Variants in XPA observed in about 807,000 individuals in gnomAD.
XPA encodes XPA, DNA damage recognition and repair factor, also known as DNA repair protein complementing XP-A cells.
A neutral mutation model predicts 35.7 loss-of-function variants in XPA; 27 were observed. That is an observed-to-expected ratio of 0.76 (90% CI 0.56 to 1.04). The LOEUF (loss-of-function observed/expected upper bound fraction) is 1.04. XPA is among the 50% of genes least tolerant of loss of function. The pLI is 0.00. For synonymous variants in XPA, 133 were observed against 118.4 expected, an observed-to-expected ratio of 1.12 and a Z score of -0.80; for missense variants, 354 against 342.7, an observed-to-expected ratio of 1.03 and a Z score of -0.26.
rs776982282 is a variant in XPA, at chr9:97,689,669, CTTT to C, written c.284-33_284-31del. 3.0e-6 allele frequency: 4 copies of C among 1,340,262 alleles called. No homozygotes were observed. The South Asian group carries it at 4.8e-5, about 16-fold the overall frequency. The allele number at this position is 1,340,262 out of a possible 1,614,324, so 83.0% of individuals were successfully genotyped here. A position where few individuals can be genotyped will look rare whatever the true frequency, so the allele number is the denominator to read the frequency against. Reference sequence around the variant, plus strand: ...GAAAAGGAAAATGAACTCTAGTTTCCTTTTTTATGACTAGAACAATATATTTTC... The same window carrying C: ...GAAAAGGAAAATGAACTCTAGTTTCCTTTATGACTAGAACAATATATTTTC... On this transcript the variant is annotated intron_variant, in intron 2 of 5. Coordinates refer to ENST00000375128, the MANE Select transcript of XPA (RefSeq NM_000380.4).
chr9:97,692,432 T>C (rs971410515), intron 2 of XPA, among the ~76,000 whole-genome samples: 7 of 152,118 alleles, frequency 4.6e-5, no homozygotes, highest in African/African-American at 1.7e-4. Flanking sequence ...AACAAAAAAA[T>C]CATGCTTTTT....
chr9:97,680,242 C>T lies in XPA; in HGVS notation c.674-4655G>A, dbSNP rs554828571. Among the ~76,000 whole-genome samples, 3 of 152,220 alleles carry T rather than the reference C, an allele frequency of 2.0e-5. No individual in the cohort carries two copies. In the East Asian group the frequency reaches 5.8e-4, roughly 29 times the overall value. On this transcript the variant is annotated intron_variant, in intron 5 of 5. Coordinates refer to ENST00000375128, the MANE Select transcript of XPA (RefSeq NM_000380.4). ...TTGTTTTTTGAGACAGGGTTTCACT[C>T]TTGTTGCCCAGGCTGGAGTGCAATG...
At chr9:97,697,020 G>C in intron 1 of XPA, 101 bp downstream of exon 1, 1 of 1,409,952 alleles carries the variant, frequency 7.1e-7, no homozygotes, top group Non-Finnish European at 9.3e-7. Flanking sequence ...CGCCAGCGGA[G>C]TTGACGCGAC....
intron 5 of XPA, chr9:97,682,227 G>T: frequency 2.0e-6 from 1 of 510,054 alleles, no homozygotes; most frequent in Non-Finnish European, 3.9e-6. Flanking sequence ...AACTGTGTCA[G>T]CTTCTTTGTG....
the XPA span, among the ~76,000 whole-genome samples, chr9:97,659,050 G>A: frequency 6.6e-6 from 1 of 152,174 alleles, no homozygotes; most frequent in Non-Finnish European, 1.5e-5. Context: ...GGTGATGGAG[G>A]TTACTTGAAT....
At chr9:97,681,013 G>A (rs1259364679) in intron 5 of XPA, among the ~76,000 whole-genome samples, 1 of 152,194 alleles carries the variant, frequency 6.6e-6, no homozygotes, top group African/African-American at 2.4e-5. Context: ...AATTTTCAGT[G>A]TAAGCAGTCT....
rs773779466 is a variant in XPA, at chr9:97,680,658, TAAA to T, written c.673+4262_673+4264del. On this transcript the variant is annotated intron_variant, in intron 5 of 5. Coordinates refer to ENST00000375128, the MANE Select transcript of XPA (RefSeq NM_000380.4). ...ATGGCAAATGTCAACATCAGGTAAATAAAAAAAATTTAAGATAAATACTTTTTT... is the reference window on the plus strand; with the variant it reads ...ATGGCAAATGTCAACATCAGGTAAATAAAAATTTAAGATAAATACTTTTTT... Among the ~76,000 whole-genome samples, 3 of 152,062 alleles carry T rather than the reference TAAA, an allele frequency of 2.0e-5. No homozygotes were observed. The East Asian group carries it at 5.8e-4, about 29-fold the overall frequency.
chr9:97,663,960 C>T, the XPA span, among the ~76,000 whole-genome samples: 3 of 151,666 alleles, frequency 2.0e-5, no homozygotes, highest in Admixed American at 6.6e-5. Context: ...GGATGGATCA[C>T]TTGAAGCCAG....
the XPA span, among the ~76,000 whole-genome samples, chr9:97,656,276 A>G: frequency 7.9e-5 from 12 of 152,222 alleles, no homozygotes; most frequent in Admixed American, 6.5e-5. Flanking sequence ...ATTTAAGCCA[A>G]TAAGTTCTTT....
intron 2 of XPA, 84 bp from the exon 3 acceptor site, chr9:97,689,723 GTA>G (rs1412560396): frequency 2.7e-6 from 2 of 741,614 alleles, no homozygotes; most frequent in Non-Finnish European, 4.6e-6. Context: ...TTATCAGCAT[GTA>G]TGCAATGCCT....
downstream of XPA, chr9:97,672,377 T>C (rs1243732058): frequency 6.6e-6 from 1 of 152,254 alleles, no homozygotes; most frequent in African/African-American, 2.4e-5. Context: ...ATTTTTGCTT[T>C]GGTTTACCAT....
At chr9:97,674,143 C>CCCCCG (rs532362929), downstream of XPA, among the ~76,000 whole-genome samples, 90 of 151,794 alleles carry the variant, frequency 5.9e-4, no homozygotes, top group East Asian at 0.013. Context: ...CTTCCCCGCC[C>CCCCCG]CCATAATGCT....
the XPA span, among the ~76,000 whole-genome samples, chr9:97,665,670 A>T: frequency 6.6e-6 from 1 of 152,172 alleles, no homozygotes; most frequent in South Asian, 2.1e-4. Context: ...CTTCCACTTA[A>T]ACTATTATTT....
At chr9:97,675,617 C>T (rs774871325) in intron 5 of XPA, 30 bp from the exon 6 acceptor site, 1 of 1,613,774 alleles carries the variant, frequency 6.2e-7, no homozygotes, top group South Asian at 1.1e-5. Context: ...GTCATCTTTT[C>T]AGTGGTGCTA....
chr9:97,658,671 G>A, the XPA span: 1 of 1,613,054 alleles, frequency 6.2e-7, no homozygotes. Context: ...ATTAGATATT[G>A]TTCCTCCTAC....
At chr9:97,658,844 G>C in the XPA span, 4 of 896,002 alleles carry the variant, frequency 4.5e-6, no homozygotes, top group Non-Finnish European at 7.2e-6. Flanking sequence ...TTCTTTTCTT[G>C]GGGTTTATAT....
chr9:97,689,753 G>A (rs1828828714), intron 2 of XPA, 114 bp from the exon 3 acceptor site: 9 of 564,840 alleles, frequency 1.6e-5, no homozygotes, highest in South Asian at 2.6e-5. Context: ...ATACATTTAA[G>A]TAAAAGACAA....
Position 97,687,234 on chromosome 9 carries a change from T to C in XPA, c.417A>G (p.Ile139Met). 1 of 1,609,090 alleles carries C rather than the reference T, an allele frequency of 6.2e-7. No homozygotes were observed. Among genetic ancestry groups the C allele is most frequent in the South Asian group, 1.1e-5 (1 of 90,056 alleles). ...CRDADDKHKL[I>M]TKTEAKQEYL... ...ATTCTTGTTTTGCCTCTGTTTTGGTTATAAGCTTGTGTTTATCATCAGCAT... is the reference window on the plus strand; with the variant it reads ...ATTCTTGTTTTGCCTCTGTTTTGGTCATAAGCTTGTGTTTATCATCAGCAT... Residue 139 changes from isoleucine to methionine, a missense_variant, in exon 4 of 6, where the codon ATA (isoleucine) becomes ATG (methionine). Coordinates refer to ENST00000375128, the MANE Select transcript of XPA (RefSeq NM_000380.4).
the XPA span, chr9:97,669,071 C>G: frequency 5.3e-6 from 7 of 1,325,304 alleles, no homozygotes; most frequent in African/African-American, 1.1e-4. Context: ...AAGGAATACA[C>G]ATTCATTTAT....
Sources: gnomAD v4.1 joint callset for allele counts (sites outside exome capture counted in the v4.1 genomes callset) on GRCh38, gnomAD v4.1.1 for gene constraint, MANE v1.5 for transcripts, NCBI Gene and HGNC (gene_info 2026-07-23, HGNC 2026-07-21) for gene names.